ACE: variants seen among roughly 807,000 people sequenced by gnomAD.
ACE encodes the protein angiotensin-converting enzyme.
A neutral mutation model predicts 162.3 loss-of-function variants in ACE; 122 were observed. The observed-to-expected ratio is 0.75, with a 90% confidence interval of 0.65 to 0.87. The LOEUF (loss-of-function observed/expected upper bound fraction) is 0.87, where lower values mean the gene tolerates loss of function less well. Among genes scored for constraint, ACE ranks in the 40% least tolerant of loss-of-function variants. The pLI is 0.00. For missense variants in ACE, 1,799 were observed against 1,735.1 expected (o/e 1.04, Z -0.65); for synonymous variants, 796 against 720.6 (o/e 1.10, Z -1.68).
Position 63,481,708 on chromosome 17 carries a change from C to T in ACE, c.1088C>T (p.Ala363Val), listed in dbSNP as rs370491569. The change falls in exon 7 of 25, where the codon GCT becomes GTT. Residue 363 changes from alanine to valine, a missense_variant. By Grantham distance (64) the Ala-to-Val change is moderately conservative. Coordinates refer to ENST00000290866, the MANE Select transcript of ACE (RefSeq NM_000789.4). The stretch of plus-strand genomic sequence containing the variant: ...CGGGAAGTGGTGTGCCACGCCTCGG[C>T]TTGGGACTTCTACAACAGGAAAGAC... The part of the protein sequence containing the change: ...DGREVVCHAS[A>V]WDFYNRKDFR... 8.7e-6 allele frequency: 14 copies of T among 1,614,054 alleles called. No individual in the cohort carries two copies. In the African/African-American group the frequency reaches 1.6e-4, roughly 18 times the overall value.
chr17:63,496,576 G>A, intron 23 of ACE, 60 bp downstream of exon 23: 2 of 1,612,304 alleles, frequency 1.2e-6, no homozygotes, highest in African/African-American at 2.7e-5. Context: ...TGGGCCTTGA[G>A]GGGTCTGTCC....
intron 19 of ACE, 58 bp from the exon 20 acceptor site, chr17:63,493,378 G>T: frequency 6.5e-7 from 1 of 1,530,528 alleles, no homozygotes; most frequent in Non-Finnish European, 9.0e-7. Context: ...GTTCCCTTAT[G>T]CCCAGGGCTT....
chr17:63,496,283 T>C, intron 22 of ACE, 111 bp from the exon 23 acceptor site: 2 of 1,531,566 alleles, frequency 1.3e-6, no homozygotes, highest in Non-Finnish European at 1.8e-6. Context: ...GGCTCTGCTG[T>C]GCGCATGTGA....
chr17:63,477,170 C>T lies in ACE; in HGVS notation c.76C>T (p.Pro26Ser). The change falls in exon 1 of 25, where the codon CCC (proline) becomes TCC (serine). Residue 26 changes from proline to serine, a missense_variant. Pro to Ser is a moderately conservative substitution (Grantham distance 74). Transcript: ENST00000290866. ...LPLLLLLPPQ[P>S]ALALDPGLQP... is the part of the protein sequence containing the mutation. The stretch of plus-strand genomic sequence containing the variant: ...GCTGCTGTTGCTGCTGCCGCCGCAG[C>T]CCGCCCTGGCGTTGGACCCCGGGCT... The T allele has an allele frequency of 6.9e-7, 1 of 1,458,804 alleles. No individual in the cohort carries two copies. The highest frequency in any genetic ancestry group is 9.0e-7 in the Non-Finnish European group (1 of 1,107,978). 90.4% of individuals were successfully genotyped at this position (1,458,804 alleles called of 1,614,324 possible).
rs1342652953 is a variant in ACE, at chr17:63,497,366, AG to A, written c.*2del. 13 of 1,547,988 alleles carry A rather than the reference AG, an allele frequency of 8.4e-6. No individual in the cohort carries two copies. Among genetic ancestry groups the A allele is most frequent in the Non-Finnish European group, 1.1e-5 (13 of 1,146,764 alleles). ...CCGAGGTGGAGCTGAGACACTCCTG[AG>A]GTGACCCGGCTGGGTCGGCCCTGCC... On this transcript the variant is annotated 3_prime_UTR_variant, in exon 25 of 25. Coordinates refer to ENST00000290866, the MANE Select transcript of ACE (RefSeq NM_000789.4).
chr17:63,494,586 C>A (rs868591666), intron 22 of ACE, 116 bp downstream of exon 22: 1 of 924,918 alleles, frequency 1.1e-6, no homozygotes, highest in African/African-American at 1.6e-5. Context: ...CCGGGGGAGC[C>A]GGCCGCACGG....
rs762872915 is a variant in ACE at position 63,496,462 on chromosome 17, G to C, written c.3449G>C (p.Gly1150Ala). 2.5e-6 allele frequency: 4 copies of C among 1,614,092 alleles called. No individual in the cohort carries two copies. Among genetic ancestry groups the C allele is most frequent in the Middle Eastern group, 1.6e-4 (1 of 6,084 alleles). Residue 1150 changes from glycine to alanine, a missense_variant, in exon 23 of 25, where the codon GGC becomes GCC. By Grantham distance (60) the Gly-to-Ala change is moderately conservative. Transcript: ENST00000290866. ...EALCQAAGHT[G>A]PLHKCDIYQS... ...CTGTGCCAGGCAGCTGGCCACACGG[G>C]CCCCCTGCACAAGTGTGACATCTAC... is the stretch of plus-strand genomic sequence containing the variant.
intron 4 of ACE, 115 bp from the exon 5 acceptor site, chr17:63,480,222 T>G (rs1445544950): frequency 5.0e-6 from 6 of 1,188,478 alleles, no homozygotes; most frequent in Non-Finnish European, 4.8e-6. Context: ...CAAGCCAATT[T>G]TCCAGCTAGC....
intron 19 of ACE, among the ~76,000 whole-genome samples, chr17:63,492,539 T>TG (rs954001930): frequency 2.6e-4 from 40 of 152,314 alleles, no homozygotes; most frequent in African/African-American, 9.1e-4. Flanking sequence ...AGAGCCCTTG[T>TG]GGGGTCTTCC....
In ACE at chr17:63,493,437, A is replaced by G. The variant is rs2030513571; in HGVS notation, c.2914A>G (p.Ile972Val). Residue 972 changes from isoleucine to valine, a missense_variant and splice_region_variant, in exon 20 of 25, where the codon ATC (isoleucine) becomes GTC (valine). Ile to Val is a conservative substitution (Grantham distance 29). Transcript: ENST00000290866. The part of the protein sequence containing the change: ...WDFYNGKDFR[I>V]KQCTTVNLED... ...TCTCCCCCACTCCACTATTCCTAGG[A>G]TCAAGCAGTGCACCACCGTGAACTT... is the stretch of plus-strand genomic sequence containing the variant. 2 of 1,613,834 alleles carry G rather than the reference A, an allele frequency of 1.2e-6. No homozygotes were observed. The highest frequency in any genetic ancestry group is 1.7e-6 in the Non-Finnish European group (2 of 1,179,980).
chr17:63,491,436 G>A lies in ACE; in HGVS notation c.2912+55G>A. 1 of 1,610,470 alleles carries A rather than the reference G, an allele frequency of 6.2e-7. No individual in the cohort carries two copies. Among genetic ancestry groups the A allele is most frequent in the Non-Finnish European group, 8.5e-7 (1 of 1,177,964 alleles). ...CCTGAGCCCCACGGGCAAGGGAAAT[G>A]AACCAAGCAAAGGGTCCACTACTGT... is the stretch of plus-strand genomic sequence containing the variant. On this transcript the variant is annotated intron_variant, in intron 19 of 24. Transcript: ENST00000290866. The surrounding 1 kb of genome is among the most constrained non-coding windows in gnomAD (Gnocchi z 4.4).
intron 17 of ACE, chr17:63,490,395 T>G: frequency 5.8e-6 from 1 of 173,098 alleles, no homozygotes; most frequent in Non-Finnish European, 1.3e-5. Flanking sequence ...CCTCAGGTGG[T>G]GCGGAGGGGA....
chr17:63,477,128 CTGCTGCTGCCGCTGCCGCTGCTGT>C lies in ACE; in HGVS notation c.47_70del (p.Leu16_Pro23del), dbSNP rs983649759. On this transcript the variant is annotated inframe_deletion, in exon 1 of 25. Coordinates refer to ENST00000290866, the MANE Select transcript of ACE (RefSeq NM_000789.4). ...CGCCTCGGGCCGCCGGGGGCCGGGGCTGCTGCTGCCGCTGCCGCTGCTGTTGCTGCTGCCGCCGCAGCCCGCCCT... is the reference window on the plus strand; with the variant it reads ...CGCCTCGGGCCGCCGGGGGCCGGGGCTGCTGCTGCCGCCGCAGCCCGCCCT... 349 of 1,409,218 alleles carry C rather than the reference CTGCTGCTGCCGCTGCCGCTGCTGT, an allele frequency of 2.5e-4. No homozygotes were observed. Among genetic ancestry groups the C allele is most frequent in the Admixed American group, 2.9e-4 (11 of 37,424 alleles). 87.3% of individuals were successfully genotyped at this position (1,409,218 alleles called of 1,614,324 possible). A position where few individuals can be genotyped will look rare whatever the true frequency, so the allele number is the denominator to read the frequency against.
intron 1 of ACE, 115 bp downstream of exon 1, chr17:63,477,458 C>G (rs2049636378): frequency 2.8e-5 from 24 of 851,462 alleles, no homozygotes; most frequent in Non-Finnish European, 3.5e-5. Flanking sequence ...CACCCCGACC[C>G]CGGACCCTCG....
chr17:63,484,465 G>C lies in ACE; in HGVS notation c.1845G>C (p.Gln615His). ...PVTQWLQEQNQQNGEVLGWPE... is the reference protein window; with the variant it reads ...PVTQWLQEQNHQNGEVLGWPE... ...CCCAGTGGCTGCAGGAGCAGAACCA[G>C]CAGAACGGCGAGGTCCTGGGCTGGC... The change falls in exon 12 of 25, where the codon CAG becomes CAC. Residue 615 changes from glutamine to histidine, a missense_variant. Coordinates refer to ENST00000290866, the MANE Select transcript of ACE (RefSeq NM_000789.4). This position sits in a 1 kb window ranked among gnomAD's most constrained non-coding sequence, Gnocchi z 4.0. 1 of 1,611,852 alleles carries C rather than the reference G, an allele frequency of 6.2e-7. No homozygotes were observed. Among genetic ancestry groups the C allele is most frequent in the Middle Eastern group, 1.8e-4 (1 of 5,592 alleles).
chr17:63,491,018 C>T lies in ACE; in HGVS notation c.2706C>T (p.Pro902=), dbSNP rs756520690. The T allele has an allele frequency of 1.2e-6, 2 of 1,614,238 alleles. No homozygotes were observed. Among genetic ancestry groups the T allele is most frequent in the Non-Finnish European group, 1.7e-6 (2 of 1,180,036 alleles). ...YDLVVPFPSA[P]SMDTTEAMLK... ...TGGTGGTGCCCTTCCCTTCAGCCCCCTCGATGGACACCACAGAGGCTATGC... is the reference window on the plus strand; with the variant it reads ...TGGTGGTGCCCTTCCCTTCAGCCCCTTCGATGGACACCACAGAGGCTATGC... The change falls in exon 18 of 25, where the codon CCC becomes CCT. Residue 902 remains proline (P), a synonymous_variant. Transcript: ENST00000290866. The surrounding 1 kb of genome is among the most constrained non-coding windows in gnomAD (Gnocchi z 4.4).
Position 63,484,647 on chromosome 17 carries a change from C to T in ACE, c.1921+106C>T. 2 of 1,465,430 alleles carry T rather than the reference C, an allele frequency of 1.4e-6. No individual in the cohort carries two copies. The highest frequency in any genetic ancestry group is 1.8e-6 in the Non-Finnish European group (2 of 1,101,098). 90.8% of individuals were successfully genotyped at this position (1,465,430 alleles called of 1,614,324 possible). On this transcript the variant is annotated intron_variant, in intron 12 of 24. Coordinates refer to ENST00000290866, the MANE Select transcript of ACE (RefSeq NM_000789.4). The surrounding 1 kb of genome is among the most constrained non-coding windows in gnomAD (Gnocchi z 4.0). ...AGCTCCTACCAGCTGAGCCCTGGTA[C>T]CCTGTCCTGGAGGGCCAGGCAGCCC...
chr17:63,484,215 C>T lies in ACE; in HGVS notation c.1710-115C>T, dbSNP rs2029861853. The T allele has an allele frequency of 7.5e-7, 1 of 1,333,598 alleles. No individual in the cohort carries two copies. Among genetic ancestry groups the T allele is most frequent in the East Asian group, 2.5e-5 (1 of 39,742 alleles). The allele number at this position is 1,333,598 out of a possible 1,614,324, so 82.6% of individuals were successfully genotyped here. A position where few individuals can be genotyped will look rare whatever the true frequency, so the allele number is the denominator to read the frequency against. On this transcript the variant is annotated intron_variant, in intron 11 of 24. Coordinates refer to ENST00000290866, the MANE Select transcript of ACE (RefSeq NM_000789.4). This position sits in a 1 kb window ranked among gnomAD's most constrained non-coding sequence, Gnocchi z 4.0. ...ATCCCAGGCCCCAGGGTCTTATTGC[C>T]ACAGTTTCTGCAGTCCATTGGGGGG... is the stretch of plus-strand genomic sequence containing the variant.
At position 63,497,292 on chromosome 17, in the gene ACE, A is replaced by T. The variant is rs1268051765; in HGVS notation, c.3847A>T (p.Ile1283Phe). 1 of 1,552,480 alleles carries T rather than the reference A, an allele frequency of 6.4e-7. No homozygotes were observed. Among genetic ancestry groups the T allele is most frequent in the Non-Finnish European group, 8.7e-7 (1 of 1,149,852 alleles). ...GGGCCTCAGCCAGCGGCTCTTCAGC[A>T]TCCGCCACCGCAGCCTCCACCGGCA... ...TLGLSQRLFS[I>F]RHRSLHRHSH... Residue 1283 changes from isoleucine to phenylalanine, a missense_variant, in exon 25 of 25, where the codon ATC (isoleucine) becomes TTC (phenylalanine). Transcript: ENST00000290866.
Sources: gnomAD v4.1 joint callset for allele counts (sites outside exome capture counted in the v4.1 genomes callset) on GRCh38, gnomAD v4.1.1 for gene constraint, Gnocchi (gnomAD v3.1) non-coding constraint, MANE v1.5 for transcripts, NCBI Gene and HGNC (gene_info 2026-07-23, HGNC 2026-07-21) for gene names.